ZNF740: variants seen among roughly 807,000 people sequenced by gnomAD.
ZNF740 encodes the protein oriLyt TD-element-binding protein 7.
In ZNF740, 14 loss-of-function variants were observed where a neutral mutation model predicts 24.8. The ratio of observed to expected loss-of-function variants is 0.56; its 90% CI spans 0.37 to 0.88. The LOEUF (loss-of-function observed/expected upper bound fraction) is 0.88, where lower values mean the gene tolerates loss of function less well. Ranked by LOEUF, ZNF740 falls within the 40% of genes least tolerant of loss-of-function variation. The pLI, the probability that ZNF740 is intolerant of heterozygous loss-of-function variation, is 0.00. For missense variants in ZNF740, 201 were observed against 247.9 expected (o/e 0.81, Z 1.27); for synonymous variants, 69 against 84.0 (o/e 0.82, Z 0.98).
rs776659353 is a variant in ZNF740, at chr12:53,192,725, A to G, written c.*5135A>G. 4 of 1,614,166 alleles carry G rather than the reference A, an allele frequency of 2.5e-6. No individual in the cohort carries two copies. In the South Asian group the frequency reaches 4.4e-5, roughly 18 times the overall value. Reference sequence around the variant, plus strand: ...TCGCATGGTGTCTTGCAGCCTGGGCATTGGTCGCATAGAGCACCATAGTAG... The same window carrying G: ...TCGCATGGTGTCTTGCAGCCTGGGCGTTGGTCGCATAGAGCACCATAGTAG... On this transcript the variant is annotated 3_prime_UTR_variant, in exon 7 of 7. Coordinates refer to ENST00000416904, the MANE Select transcript of ZNF740 (RefSeq NM_001004304.4).
chr12:53,186,838 T>C (rs985649219), intron 6 of ZNF740: 2 of 207,048 alleles, frequency 9.7e-6, no homozygotes, highest in African/African-American at 4.5e-5. Flanking sequence ...ATGGGAAAAT[T>C]GAGATTCAGA....
At position 53,194,165 on chromosome 12, in the gene ZNF740, G is replaced by A. The variant is rs1942074527; in HGVS notation, c.*6575G>A. The A allele has an allele frequency of 1.2e-6, 2 of 1,612,622 alleles. No individual in the cohort carries two copies. The highest frequency in any genetic ancestry group is 1.3e-5 in the African/African-American group (1 of 74,842). On this transcript the variant is annotated 3_prime_UTR_variant, in exon 7 of 7. Transcript: ENST00000416904. ...TAATTTCCCACTCCCACCTCCCCCT[G>A]CCCGCCTTCTGCCTGTGCTTGCTGG... is the stretch of plus-strand genomic sequence containing the variant.
chr12:53,194,922 T>C lies in ZNF740; in HGVS notation c.*7332T>C, dbSNP rs7963647. On this transcript the variant is annotated 3_prime_UTR_variant, in exon 7 of 7. Transcript: ENST00000416904. ...AGCAGGCTCCAGATCTCACATTGTT[T>C]ATGTACAGACTGACTGGGGACAAAT... The C allele has an allele frequency of 0.024, 4,453 of 186,158 alleles. 73 individuals carry two copies. The highest frequency in any genetic ancestry group is 0.061 in the Middle Eastern group (23 of 380). 11.5% of individuals were successfully genotyped at this position (186,158 alleles called of 1,614,324 possible). A position where few individuals can be genotyped will look rare whatever the true frequency, so the allele number is the denominator to read the frequency against.
chr12:53,193,125 C>T lies in ZNF740; in HGVS notation c.*5535C>T. 2 of 1,595,618 alleles carry T rather than the reference C, an allele frequency of 1.3e-6. No homozygotes were observed. Among genetic ancestry groups the T allele is most frequent in the Non-Finnish European group, 1.7e-6 (2 of 1,166,380 alleles). On this transcript the variant is annotated 3_prime_UTR_variant, in exon 7 of 7. Coordinates refer to ENST00000416904, the MANE Select transcript of ZNF740 (RefSeq NM_001004304.4). The stretch of plus-strand genomic sequence containing the variant: ...GCCTCTCAGACCCCGCCCTTCTCCC[C>T]AAGGCTCCAGGTACCTCCGCAGAGG...
Position 53,193,520 on chromosome 12 carries a change from G to A in ZNF740, c.*5930G>A. 1 of 732,686 alleles carries A rather than the reference G, an allele frequency of 1.4e-6. No individual in the cohort carries two copies. The highest frequency in any genetic ancestry group is 2.2e-6 in the Non-Finnish European group (1 of 449,684). The allele number at this position is 732,686 out of a possible 1,614,324, so 45.4% of individuals were successfully genotyped here. ...TATAGTGAAACACTGAGGGGTGAGA[G>A]AGTGGAGGGAGCCCCAGTCAGGGGG... On this transcript the variant is annotated 3_prime_UTR_variant, in exon 7 of 7. Transcript: ENST00000416904.
Position 53,193,393 on chromosome 12 carries a change from G to C in ZNF740, c.*5803G>C. On this transcript the variant is annotated 3_prime_UTR_variant, in exon 7 of 7. Coordinates refer to ENST00000416904, the MANE Select transcript of ZNF740 (RefSeq NM_001004304.4). The stretch of plus-strand genomic sequence containing the variant: ...AAGGGGAAGGCAAAGGAGAGAAGTA[G>C]GTCAGAGGGTTTGATCACCCCTGAC... The C allele has an allele frequency of 6.7e-7, 1 of 1,484,026 alleles. No individual in the cohort carries two copies. The highest frequency in any genetic ancestry group is 2.4e-5 in the East Asian group (1 of 42,330). 91.9% of individuals were successfully genotyped at this position (1,484,026 alleles called of 1,614,324 possible).
In ZNF740 at chr12:53,181,947, T is replaced by C. The variant is rs776672914; in HGVS notation, c.-37T>C. On this transcript the variant is annotated 5_prime_UTR_variant, in exon 2 of 7. Transcript: ENST00000416904. ...CTCAAGGAAAGGTGGACCTAGGAAC[T>C]CCTGAACTTTTGGGTTGCCTTAAGT... 26 of 1,601,944 alleles carry C rather than the reference T, an allele frequency of 1.6e-5. No homozygotes were observed. Among genetic ancestry groups the C allele is most frequent in the Non-Finnish European group, 1.9e-5 (22 of 1,173,862 alleles).
In ZNF740 at chr12:53,192,414, G is replaced by A. The variant is rs2230397; in HGVS notation, c.*4824G>A. On this transcript the variant is annotated 3_prime_UTR_variant, in exon 7 of 7. Coordinates refer to ENST00000416904, the MANE Select transcript of ZNF740 (RefSeq NM_001004304.4). Reference sequence around the variant, plus strand: ...AAGAACAGCTGGTTGTCCAGGGTCCGCTCTTTGCACCAGCCATCATCCAAG... The same window carrying A: ...AAGAACAGCTGGTTGTCCAGGGTCCACTCTTTGCACCAGCCATCATCCAAG... 35 of 1,613,844 alleles carry A rather than the reference G, an allele frequency of 2.2e-5. No individual in the cohort carries two copies. Among genetic ancestry groups the A allele is most frequent in the South Asian group, 4.4e-5 (4 of 91,064 alleles).
rs866331326 is a variant in ZNF740 at position 53,191,474 on chromosome 12, T to C, written c.*3884T>C. The C allele has an allele frequency of 1.3e-4, 148 of 1,136,562 alleles. No individual in the cohort carries two copies. In the African/African-American group the frequency reaches 1.9e-3, roughly 15 times the overall value. The allele number at this position is 1,136,562 out of a possible 1,614,324, so 70.4% of individuals were successfully genotyped here. ...AGTGAATTAGTCCCCTACCAAGGTC[T>C]TACAGACCCACCCTTCCTCTCACCC... is the stretch of plus-strand genomic sequence containing the variant. On this transcript the variant is annotated 3_prime_UTR_variant, in exon 7 of 7. Coordinates refer to ENST00000416904, the MANE Select transcript of ZNF740 (RefSeq NM_001004304.4).
In ZNF740 at chr12:53,184,142, TGTGTGTGTGC is replaced by T. The variant is rs1412830301; in HGVS notation, c.10-747_10-738del. Among the ~76,000 whole-genome samples, 778 of 104,632 alleles carry T rather than the reference TGTGTGTGTGC, an allele frequency of 7.4e-3. 3 individuals are homozygous for T. Among genetic ancestry groups the T allele is most frequent in the Middle Eastern group, 0.015 (3 of 194 alleles). The allele number at this position is 104,632 out of a possible 152,430, so 68.6% of individuals were successfully genotyped here. On this transcript the variant is annotated intron_variant, in intron 2 of 6. Transcript: ENST00000416904. ...GTGTGTGTGTGTGTGTGTGTGTGTG[TGTGTGTGTGC>T]GCGCGCGCGCTCTGAAGCTAAGGGG...
chr12:53,191,738 G>C lies in ZNF740; in HGVS notation c.*4148G>C, dbSNP rs1941952966. ...TTGAGCCGAATCCTAGGAGCTGATG[G>C]AAGTTAGCAGAGGGGTTGGTTACAT... On this transcript the variant is annotated 3_prime_UTR_variant, in exon 7 of 7. Transcript: ENST00000416904. The C allele has an allele frequency of 1.3e-6, 2 of 1,515,904 alleles. No homozygotes were observed. Among genetic ancestry groups the C allele is most frequent in the East Asian group, 2.2e-5 (1 of 44,446 alleles). 93.9% of individuals were successfully genotyped at this position (1,515,904 alleles called of 1,614,324 possible).
Position 53,193,781 on chromosome 12 carries a change from TAC to T in ZNF740, c.*6193_*6194del, listed in dbSNP as rs753926515. ...GCCTGGGGCTGGGTGTCACTGCAATTACAGTCACACAGCGTGTGCAACTCCAC... is the reference window on the plus strand; with the variant it reads ...GCCTGGGGCTGGGTGTCACTGCAATTAGTCACACAGCGTGTGCAACTCCAC... On this transcript the variant is annotated 3_prime_UTR_variant, in exon 7 of 7. Coordinates refer to ENST00000416904, the MANE Select transcript of ZNF740 (RefSeq NM_001004304.4). The T allele has an allele frequency of 2.5e-5, 40 of 1,613,834 alleles. No individual in the cohort carries two copies. Among genetic ancestry groups the T allele is most frequent in the Non-Finnish European group, 3.2e-5 (38 of 1,179,976 alleles).
chr12:53,191,868 G>A lies in ZNF740; in HGVS notation c.*4278G>A. 1 of 1,613,450 alleles carries A rather than the reference G, an allele frequency of 6.2e-7. No individual in the cohort carries two copies. Among genetic ancestry groups the A allele is most frequent in the Non-Finnish European group, 8.5e-7 (1 of 1,179,982 alleles). ...CAGGAAGTCTCCTCACCTGCTTCCAGTTGAGTTGTTGCTGCTCCTTCTCAA... is the reference window on the plus strand; with the variant it reads ...CAGGAAGTCTCCTCACCTGCTTCCAATTGAGTTGTTGCTGCTCCTTCTCAA... On this transcript the variant is annotated 3_prime_UTR_variant, in exon 7 of 7. Transcript: ENST00000416904.
Position 53,180,740 on chromosome 12 carries a change from C to A in ZNF740, c.-405C>A. ...GGTGTTTGTAAACTTGCCTCGGTCC[C>A]GGTGGGGGCAGCCGCGGCGGTGGGG... On this transcript the variant is annotated 5_prime_UTR_variant, in exon 1 of 7. Coordinates refer to ENST00000416904, the MANE Select transcript of ZNF740 (RefSeq NM_001004304.4). 2 of 1,263,510 alleles carry A rather than the reference C, an allele frequency of 1.6e-6. No homozygotes were observed. The highest frequency in any genetic ancestry group is 2.0e-6 in the Non-Finnish European group (2 of 976,484). The allele number at this position is 1,263,510 out of a possible 1,614,324, so 78.3% of individuals were successfully genotyped here.
rs1166411678 is a variant in ZNF740, at chr12:53,180,772, G to C, written c.-373G>C. ...GGCAGCCGCGGCGGTGGGGTTGGCA[G>C]GGTGTGCTGGGGCCTGGAGGAGGCG... On this transcript the variant is annotated 5_prime_UTR_variant, in exon 1 of 7. Coordinates refer to ENST00000416904, the MANE Select transcript of ZNF740 (RefSeq NM_001004304.4). 1 of 1,272,128 alleles carries C rather than the reference G, an allele frequency of 7.9e-7. No homozygotes were observed. Among genetic ancestry groups the C allele is most frequent in the Non-Finnish European group, 1.0e-6 (1 of 981,636 alleles). 78.8% of individuals were successfully genotyped at this position (1,272,128 alleles called of 1,614,324 possible).
rs1044852410 is a variant in ZNF740 at position 53,191,199 on chromosome 12, C to T, written c.*3609C>T. On this transcript the variant is annotated 3_prime_UTR_variant, in exon 7 of 7. Coordinates refer to ENST00000416904, the MANE Select transcript of ZNF740 (RefSeq NM_001004304.4). ...GCACCCCGGGAGTTTCCTGCACATT[C>T]GCGCTTGGGCACCTCTCCCTGCCCT... The T allele has an allele frequency of 1.0e-4, 30 of 299,144 alleles. No individual in the cohort carries two copies. Among genetic ancestry groups the T allele is most frequent in the African/African-American group, 1.5e-4 (7 of 46,526 alleles). The allele number at this position is 299,144 out of a possible 1,614,324, so 18.5% of individuals were successfully genotyped here. A position where few individuals can be genotyped will look rare whatever the true frequency, so the allele number is the denominator to read the frequency against.
Position 53,186,495 on chromosome 12 carries a change from G to T in ZNF740, c.478G>T (p.Glu160Ter). 1 of 1,573,018 alleles carries T rather than the reference G, an allele frequency of 6.4e-7. No homozygotes were observed. Among genetic ancestry groups the T allele is most frequent in the South Asian group, 1.2e-5 (1 of 85,420 alleles). Reference protein sequence around the residue: ...VHSGEKPYQCERCHQCFSRTD... With the variant: ...VHSGEKPYQC ...CAGTGGTGAAAAGCCTTACCAGTGT[G>T]AACGGTGTCATCAGGTAAGGCTCAT... Residue 160 changes from glutamate to a stop codon, truncating the protein, a stop_gained, in exon 6 of 7, where the codon GAA (glutamate) becomes TAA (stop). Transcript: ENST00000416904. LOFTEE classifies it high-confidence loss of function.
rs1490610580 is a variant in ZNF740, at chr12:53,192,327, T to G, written c.*4737T>G. On this transcript the variant is annotated 3_prime_UTR_variant, in exon 7 of 7. Transcript: ENST00000416904. ...AGGGTTTGTGGCATCCCTGCCCACT[T>G]ACTTTCTTGGGGTCTCACTCTGAGC... 3 of 1,613,804 alleles carry G rather than the reference T, an allele frequency of 1.9e-6. No individual in the cohort carries two copies. The highest frequency in any genetic ancestry group is 3.3e-5 in the Admixed American group (2 of 60,002).
intron 1 of ZNF740, chr12:53,181,050 G>A: frequency 1.1e-6 from 1 of 884,406 alleles, no homozygotes; most frequent in Non-Finnish European, 1.4e-6. Context: ...GCCCGGGAGA[G>A]GGCTCTCGGA....
Sources: allele counts gnomAD v4.1 joint callset (sites outside exome capture counted in the v4.1 genomes callset), GRCh38; gene constraint gnomAD v4.1.1; transcripts MANE v1.5; gene names NCBI Gene and HGNC (gene_info 2026-07-23, HGNC 2026-07-21).